The following PDE10A variants were observed in gnomAD, a reference collection of about 807,000 sequenced individuals.
The protein encoded by PDE10A is cAMP and cAMP-inhibited cGMP 3',5'-cyclic phosphodiesterase 10A.
A neutral mutation model predicts 97.7 loss-of-function variants in PDE10A; 39 were observed. The ratio of observed to expected loss-of-function variants is 0.40; its 90% CI spans 0.31 to 0.52. PDE10A has a LOEUF of 0.52. PDE10A is among the 20% of genes least tolerant of loss of function. The pLI is 0.56. For missense variants in PDE10A, 731 were observed against 1,047.8 expected, an observed-to-expected ratio of 0.70 and a Z score of 4.17; for synonymous variants, 371 against 376.8, an observed-to-expected ratio of 0.98 and a Z score of 0.18.
At chr6:165,576,267 A>G in intron 1 of PDE10A, 1 of 651,762 alleles carries the variant, frequency 1.5e-6, no homozygotes, top group Non-Finnish European at 2.8e-6. Flanking sequence ...AAAAGAGTCA[A>G]GGTGTGAACA....
At chr6:165,540,128 T>A (rs9356368) in intron 2 of PDE10A, among the ~76,000 whole-genome samples, 23,453 of 152,036 alleles carry the variant, frequency 0.15, 3,530 homozygotes, top group African/African-American at 0.38. Flanking sequence ...GAATACAAAA[T>A]TTACTATGAT....
chr6:165,404,829 G>A (rs932818080), intron 13 of PDE10A, among the ~76,000 whole-genome samples: 1 of 150,868 alleles, frequency 6.6e-6, no homozygotes, highest in African/African-American at 2.4e-5. Context: ...TCTAGTTTAT[G>A]GAAACCACAG....
intron 1 of PDE10A, among the ~76,000 whole-genome samples, chr6:165,967,903 C>T (rs560565205): frequency 1.3e-5 from 2 of 152,330 alleles, no homozygotes; most frequent in South Asian, 4.1e-4. Context: ...CACAATAGCA[C>T]TCCCCAAAAC....
At chr6:165,370,105 G>A (rs1784121614) in intron 18 of PDE10A, among the ~76,000 whole-genome samples, 1 of 151,996 alleles carries the variant, frequency 6.6e-6, no homozygotes, top group African/African-American at 2.4e-5. Context: ...GGAACAACCG[G>A]TACAGCCGCT....
At chr6:165,593,743 T>C (rs1190204841) in intron 1 of PDE10A, among the ~76,000 whole-genome samples, 3 of 152,328 alleles carry the variant, frequency 2.0e-5, no homozygotes, top group African/African-American at 4.8e-5. Context: ...TTCTAAACTA[T>C]CCATCTTGTA....
intron 2 of PDE10A, among the ~76,000 whole-genome samples, chr6:165,536,603 A>G (rs1334401459): frequency 2.8e-5 from 4 of 145,356 alleles, no homozygotes; most frequent in Non-Finnish European, 4.6e-5. Flanking sequence ...GATCAATAGT[A>G]AAAAAAAAAA....
chr6:165,946,144 G>A (rs1433596305), intron 1 of PDE10A, among the ~76,000 whole-genome samples: 1 of 152,204 alleles, frequency 6.6e-6, no homozygotes, highest in African/African-American at 2.4e-5. Flanking sequence ...AAGGTTCAAT[G>A]AGACAGAAGG....
chr6:165,658,406 C>T (rs1289440134), intron 1 of PDE10A, among the ~76,000 whole-genome samples: 1 of 152,182 alleles, frequency 6.6e-6, no homozygotes, highest in Non-Finnish European at 1.5e-5. Flanking sequence ...CTAACTTTCT[C>T]AGTATCCTCC....
chr6:165,697,958 T>C (rs1238588705), intron 1 of PDE10A, among the ~76,000 whole-genome samples: 1 of 152,234 alleles, frequency 6.6e-6, no homozygotes, highest in African/African-American at 2.4e-5. Context: ...ACGCCGTCAC[T>C]GTCCCTCTGA....
rs144002232 is a variant in PDE10A, at chr6:165,391,606, G to A, written c.2454+1040C>T. The stretch of plus-strand genomic sequence containing the variant: ...AGGAGAGATTTCATGTGGATCTTTC[G>A]CGGGGAGGTGATAAATAATAAATTA... On this transcript the variant is annotated intron_variant, in intron 16 of 21. Transcript: ENST00000539869. 5.6e-4 allele frequency among the ~76,000 whole-genome samples: 86 copies of A among 152,220 alleles called. 1 individual carries two copies. Among genetic ancestry groups the A allele is most frequent in the East Asian group, 2.1e-3 (11 of 5,172 alleles).
intron 1 of PDE10A, among the ~76,000 whole-genome samples, chr6:165,544,496 G>A (rs1783632898): frequency 6.6e-6 from 1 of 150,956 alleles, no homozygotes; most frequent in Admixed American, 6.6e-5. Context: ...TTATCCTTCA[G>A]TGACGGGAAT....
At chr6:165,920,312 C>A (rs866326277) in intron 1 of PDE10A, among the ~76,000 whole-genome samples, 2 of 152,170 alleles carry the variant, frequency 1.3e-5, no homozygotes, top group African/African-American at 4.8e-5. Flanking sequence ...GTATTATCCA[C>A]TTTGCAAAAC....
At chr6:165,809,310 GTCC>G (rs1387332908) in intron 1 of PDE10A, among the ~76,000 whole-genome samples, 12 of 152,120 alleles carry the variant, frequency 7.9e-5, no homozygotes, top group Non-Finnish European at 1.6e-4. Context: ...TCTACAGTCA[GTCC>G]TCCTCCCTGC....
At chr6:165,691,534 T>C (rs1791296555) in intron 1 of PDE10A, among the ~76,000 whole-genome samples, 1 of 151,284 alleles carries the variant, frequency 6.6e-6, no homozygotes, top group African/African-American at 2.4e-5. Context: ...GAATGCATCT[T>C]CATCATTAAG....
chr6:165,609,052 G>A (rs1332963842), intron 1 of PDE10A, among the ~76,000 whole-genome samples: 2 of 152,172 alleles, frequency 1.3e-5, no homozygotes, highest in African/African-American at 4.8e-5. Flanking sequence ...CTCCCATTCT[G>A]TAGGTTGCCT....
chr6:165,344,487 G>A (rs1172648795), intron 18 of PDE10A, among the ~76,000 whole-genome samples: 1 of 152,198 alleles, frequency 6.6e-6, no homozygotes, highest in African/African-American at 2.4e-5. Flanking sequence ...ATCCCCTGCT[G>A]TTAACCACTG....
At chr6:165,600,310 C>T (rs935786050) in intron 1 of PDE10A, among the ~76,000 whole-genome samples, 4 of 152,176 alleles carry the variant, frequency 2.6e-5, no homozygotes, top group Non-Finnish European at 5.9e-5. Context: ...CCAGCCAGGG[C>T]AGGGCTCTGA....
chr6:165,935,280 G>T (rs1363833728), intron 1 of PDE10A, among the ~76,000 whole-genome samples: 5 of 152,136 alleles, frequency 3.3e-5, no homozygotes, highest in Non-Finnish European at 7.4e-5. Flanking sequence ...ATAGAAGTAG[G>T]ACAAAGTGAT....
chr6:165,683,874 C>T (rs1433230063), intron 1 of PDE10A, among the ~76,000 whole-genome samples: 1 of 152,186 alleles, frequency 6.6e-6, no homozygotes, highest in African/African-American at 2.4e-5. Context: ...TGACCGGTGT[C>T]CTAGGAACCC....
Sources: gnomAD v4.1 joint callset for allele counts (sites outside exome capture counted in the v4.1 genomes callset) on GRCh38, gnomAD v4.1.1 for gene constraint, MANE v1.5 for transcripts, NCBI Gene and HGNC (gene_info 2026-07-23, HGNC 2026-07-21) for gene names.